Variants in FILIP1L observed in about 807,000 individuals in gnomAD.
FILIP1L encodes the protein filamin A-interacting protein 1-like.
A neutral mutation model predicts 96.6 loss-of-function variants in FILIP1L; 55 were observed. That is an observed-to-expected ratio of 0.57 (90% confidence interval 0.46 to 0.71). The LOEUF (loss-of-function observed/expected upper bound fraction) is 0.71, where lower values mean the gene tolerates loss of function less well. Ranked by LOEUF, FILIP1L falls within the 30% of genes least tolerant of loss-of-function variation. The pLI, the probability that FILIP1L is intolerant of heterozygous loss-of-function variation, is 0.00. For synonymous variants in FILIP1L, 467 were observed against 473.9 expected (o/e 0.99, Z 0.19); for missense variants, 1,304 against 1,321.2 (o/e 0.99, Z 0.20).
At chr3:99,875,112 A>G (rs1393987903) in intron 4 of FILIP1L, among the ~76,000 whole-genome samples, 2 of 152,206 alleles carry the variant, frequency 1.3e-5, no homozygotes, top group Admixed American at 1.3e-4. Context: ...TGATGAATCA[A>G]TTTTTCATCT....
chr3:99,918,590 A>C (rs747411875), intron 4 of FILIP1L, among the ~76,000 whole-genome samples: 5 of 152,224 alleles, frequency 3.3e-5, no homozygotes, highest in Non-Finnish European at 7.3e-5. Context: ...TGAAATTAAA[A>C]GGCATTGTAT....
chr3:99,972,581 G>C (rs1436086576), intron 1 of FILIP1L, among the ~76,000 whole-genome samples: 2 of 152,156 alleles, frequency 1.3e-5, no homozygotes, highest in African/African-American at 4.8e-5. Context: ...ATTCTTTCCA[G>C]AGTAAATAAC....
intron 4 of FILIP1L, among the ~76,000 whole-genome samples, chr3:99,903,995 G>A (rs1175038605): frequency 6.6e-6 from 1 of 152,154 alleles, no homozygotes; most frequent in Admixed American, 6.5e-5. Flanking sequence ...AAGATCTCTG[G>A]CCAGGAAGAG....
At chr3:100,080,297 A>C (rs1235291698) in intron 1 of FILIP1L, among the ~76,000 whole-genome samples, 1 of 151,698 alleles carries the variant, frequency 6.6e-6, no homozygotes, top group East Asian at 1.9e-4. Context: ...TTTTTCTTAA[A>C]GCTCTCATAA....
chr3:99,994,996 T>G (rs1709634526), intron 1 of FILIP1L, among the ~76,000 whole-genome samples: 2 of 152,010 alleles, frequency 1.3e-5, no homozygotes, highest in Non-Finnish European at 2.9e-5. Context: ...CCCTGGCCCC[T>G]CCAAATCTCA....
rs781564086 is a variant in FILIP1L at position 99,849,344 on chromosome 3, T to C, written c.2332A>G (p.Ser778Gly). 2.5e-6 allele frequency: 4 copies of C among 1,614,144 alleles called. No homozygotes were observed. The highest frequency in any genetic ancestry group is 3.4e-6 in the Non-Finnish European group (4 of 1,180,004). ...TTGAGACTAGGCCTGAGGCTCTTAC[T>C]GAAATGCCGGTACCTCTCTAACTCC... ...TKELERYRHF[S>G]KSLRPSLNGR... is the part of the protein sequence containing the mutation. Residue 778 changes from serine (S) to glycine (G), a missense_variant, in exon 5 of 6, where the codon AGT becomes GGT. Physicochemically the swap from Ser to Gly is moderately conservative, Grantham distance 56. Coordinates refer to ENST00000477258, the MANE Select transcript of FILIP1L (RefSeq NM_001387850.1).
intron 1 of FILIP1L, among the ~76,000 whole-genome samples, chr3:99,975,931 C>G (rs551030813): frequency 6.6e-6 from 1 of 152,334 alleles, no homozygotes; most frequent in African/African-American, 2.4e-5. Flanking sequence ...GTTGTCCAGG[C>G]TGGAGTGCAG....
At position 99,851,127 on chromosome 3, in the gene FILIP1L, T is replaced by G. The variant is rs1026423935; in HGVS notation, c.606-57A>C. The stretch of plus-strand genomic sequence containing the variant: ...ATTGATGCTTTAGTAACTCATCGAA[T>G]GTACTTAAATATATATGTAATTTAG... On this transcript the variant is annotated intron_variant, in intron 4 of 5. Coordinates refer to ENST00000477258, the MANE Select transcript of FILIP1L (RefSeq NM_001387850.1). The G allele has an allele frequency of 1.1e-5, 14 of 1,323,186 alleles. No individual in the cohort carries two copies. The African/African-American group carries it at 1.5e-4, about 14-fold the overall frequency. 82.0% of individuals were successfully genotyped at this position (1,323,186 alleles called of 1,614,324 possible).
intron 1 of FILIP1L, among the ~76,000 whole-genome samples, chr3:100,012,841 C>A (rs558275713): frequency 2.6e-5 from 4 of 151,338 alleles, no homozygotes; most frequent in African/African-American, 9.7e-5. Flanking sequence ...AGCATGATCC[C>A]CAGCTCACTG....
At chr3:100,025,579 T>C (rs941446469) in intron 1 of FILIP1L, 8 of 152,152 alleles carry the variant, frequency 5.3e-5, no homozygotes, top group Admixed American at 3.9e-4. Context: ...TTTGCTGTTA[T>C]ATTGAGCAGT....
rs766923351 is a variant in FILIP1L at position 99,849,631 on chromosome 3, A to G, written c.2045T>C (p.Met682Thr). ...FLSKELEHVK[M>T]ELAKYKLAEK... is the part of the protein sequence containing the mutation. ...TGCTAACTTGTACTTAGCAAGTTCC[A>G]TTTTAACATGTTCTAGCTCTTTAGA... Residue 682 changes from methionine to threonine, a missense_variant, in exon 5 of 6, where the codon ATG becomes ACG. Met to Thr is a moderately conservative substitution (Grantham distance 81, BLOSUM62 -1). Coordinates refer to ENST00000477258, the MANE Select transcript of FILIP1L (RefSeq NM_001387850.1). 8 of 1,613,418 alleles carry G rather than the reference A, an allele frequency of 5.0e-6. No individual in the cohort carries two copies. In the East Asian group the frequency reaches 1.8e-4, roughly 36 times the overall value.
chr3:99,993,641 T>C (rs1709588595), intron 1 of FILIP1L, among the ~76,000 whole-genome samples: 1 of 152,088 alleles, frequency 6.6e-6, no homozygotes, highest in African/African-American at 2.4e-5. Flanking sequence ...ATTATGTTAA[T>C]GTGTGTTCCT....
intron 4 of FILIP1L, among the ~76,000 whole-genome samples, chr3:99,909,663 G>T (rs1321618508): frequency 6.6e-6 from 1 of 152,020 alleles, no homozygotes. Context: ...AGTGTGTCAT[G>T]TTTTTCATCA....
chr3:100,020,760 C>CTTTTTTTTTTTTTTTTTTTTTTTTTTT (rs34665880), intron 1 of FILIP1L, among the ~76,000 whole-genome samples: 4 of 70,994 alleles, frequency 5.6e-5, no homozygotes, highest in Non-Finnish European at 9.7e-5. Context: ...GAATAATTAG[C>CTTTTTTTTTTTTTTTTTTTTTTTTTTT]TTTTTTTTTT....
At chr3:99,851,515 G>A (rs577400087) in intron 4 of FILIP1L, among the ~76,000 whole-genome samples, 1 of 152,072 alleles carries the variant, frequency 6.6e-6, no homozygotes, top group Non-Finnish European at 1.5e-5. Context: ...GAAAAATGGG[G>A]GCAATAATTT....
intron 1 of FILIP1L, among the ~76,000 whole-genome samples, chr3:99,960,726 C>A (rs1228253149): frequency 6.6e-6 from 1 of 152,126 alleles, no homozygotes; most frequent in Middle Eastern, 3.2e-3. Context: ...GGCTATTGTT[C>A]TTGCTTTCCT....
At chr3:100,030,361 A>G (rs773561292) in intron 1 of FILIP1L, among the ~76,000 whole-genome samples, 5 of 152,174 alleles carry the variant, frequency 3.3e-5, no homozygotes, top group African/African-American at 9.6e-5. Flanking sequence ...TTGGTTTTCC[A>G]TGAAAGAAAC....
chr3:99,837,753 A>G lies in FILIP1L; in HGVS notation c.3382-7148T>C, dbSNP rs1004039926. On this transcript the variant is annotated intron_variant, in intron 5 of 5. Transcript: ENST00000477258. ...GGGAGTGCCAGTCTTATTAAGTTAC[A>G]GTGTTCCTTGAGAAATAGAAATCCA... is the stretch of plus-strand genomic sequence containing the variant. 3.9e-5 allele frequency among the ~76,000 whole-genome samples: 6 copies of G among 152,344 alleles called. No homozygotes were observed. In the East Asian group the frequency reaches 5.8e-4, roughly 15 times the overall value.
chr3:99,936,369 C>CTTTTTTTTTTTT (rs548149257), intron 1 of FILIP1L, among the ~76,000 whole-genome samples: 3 of 86,384 alleles, frequency 3.5e-5, no homozygotes, highest in Non-Finnish European at 6.5e-5. Context: ...AGCTTGAAGC[C>CTTTTTTTTTTTT]TTTTTTTTTT....
Sources: allele counts gnomAD v4.1 joint callset (sites outside exome capture counted in the v4.1 genomes callset), GRCh38; gene constraint gnomAD v4.1.1; transcripts MANE v1.5; gene names NCBI Gene and HGNC (gene_info 2026-07-23, HGNC 2026-07-21).